SLC35D1: variants seen among roughly 807,000 people sequenced by gnomAD.
The protein encoded by SLC35D1 is nucleotide sugar transporter SLC35D1.
SLC35D1 carries 31 observed loss-of-function variants against 46.7 expected under a neutral mutation model. That is an observed-to-expected ratio of 0.66 (90% confidence interval 0.50 to 0.90). The LOEUF is 0.90. Ranked by LOEUF, SLC35D1 falls within the 40% of genes least tolerant of loss-of-function variation. The pLI, the probability that SLC35D1 is intolerant of heterozygous loss-of-function variation, is 0.00. For missense variants in SLC35D1, 397 were observed against 426.2 expected (o/e 0.93, Z 0.60); for synonymous variants, 195 against 164.6 (o/e 1.18, Z -1.41).
intron 11 of SLC35D1, among the ~76,000 whole-genome samples, chr1:67,006,313 C>T (rs1032714261): frequency 1.3e-5 from 2 of 152,096 alleles, no homozygotes; most frequent in Non-Finnish European, 2.9e-5. Flanking sequence ...TGGCCTGGAC[C>T]CAAGAAGATG....
chr1:67,027,319 T>C (rs1463659678), intron 8 of SLC35D1, among the ~76,000 whole-genome samples: 1 of 152,218 alleles, frequency 6.6e-6, no homozygotes, highest in East Asian at 1.9e-4. Context: ...ATTTTATTAA[T>C]CTTTTTTAAA....
the SLC35D1 span, among the ~76,000 whole-genome samples, chr1:66,983,337 T>G: frequency 0.12 from 18,238 of 152,274 alleles, 1,261 homozygotes; most frequent in Non-Finnish European, 0.15. Flanking sequence ...AATCCCCATG[T>G]GCATTCATGA....
chr1:66,996,998 G>A (rs1413506873), downstream of SLC35D1, among the ~76,000 whole-genome samples: 2 of 152,120 alleles, frequency 1.3e-5, no homozygotes, highest in East Asian at 3.9e-4. Flanking sequence ...CACTCAAAAT[G>A]TATTCAAGAT....
the SLC35D1 span, among the ~76,000 whole-genome samples, chr1:66,979,440 G>A: frequency 6.6e-6 from 1 of 152,102 alleles, no homozygotes; most frequent in Admixed American, 6.5e-5. Context: ...CCTACAAACA[G>A]CCTTTGAAAG....
At chr1:66,990,038 C>T in the SLC35D1 span, among the ~76,000 whole-genome samples, 2 of 152,086 alleles carry the variant, frequency 1.3e-5, no homozygotes, top group African/African-American at 4.8e-5. Context: ...TAAGTGTATC[C>T]TTTTTTATTA....
Position 67,054,042 on chromosome 1 carries a change from C to CGGGGCCTAGCGGCTCG in SLC35D1, c.-45_-30dup. 1 of 1,602,672 alleles carries CGGGGCCTAGCGGCTCG rather than the reference C, an allele frequency of 6.2e-7. No homozygotes were observed. The highest frequency in any genetic ancestry group is 8.5e-7 in the Non-Finnish European group (1 of 1,174,128). On this transcript the variant is annotated 5_prime_UTR_variant, in exon 1 of 12. Transcript: ENST00000235345. ...TGCCGCAGCAGCGGTGGCCTGGCGGCGGGGCCTAGCGGCTCGGGGGCCTGC... is the reference window on the plus strand; with the variant it reads ...TGCCGCAGCAGCGGTGGCCTGGCGGCGGGGCCTAGCGGCTCGGGGGCCTAGCGGCTCGGGGGCCTGC...
chr1:67,053,764 C>A, intron 1 of SLC35D1, 47 bp downstream of exon 1: 1 of 1,437,998 alleles, frequency 7.0e-7, no homozygotes, highest in Non-Finnish European at 9.1e-7. Context: ...CCGCCGCCGC[C>A]GCCCGCTCCT....
downstream of SLC35D1, among the ~76,000 whole-genome samples, chr1:66,998,667 G>T (rs1162347902): frequency 3.3e-5 from 5 of 152,152 alleles, no homozygotes; most frequent in African/African-American, 9.7e-5. Context: ...AAGAAGGAAG[G>T]AAATTCTGAC....
the SLC35D1 span, among the ~76,000 whole-genome samples, chr1:66,982,311 T>C: frequency 1.3e-5 from 2 of 151,080 alleles, no homozygotes; most frequent in South Asian, 2.1e-4. Flanking sequence ...AGGTAACAAG[T>C]GCACTGTTTT....
At chr1:67,053,129 T>C (rs1214051944) in intron 1 of SLC35D1, 140 bp from the exon 2 acceptor site, 1 of 1,043,044 alleles carries the variant, frequency 9.6e-7, no homozygotes, top group African/African-American at 1.6e-5. Context: ...AACAAAAATC[T>C]TGGGAGAAAA....
rs1645343636 is a variant in SLC35D1 at position 67,053,950 on chromosome 1, T to C, written c.64A>G (p.Thr22Ala). 2 of 1,613,546 alleles carry C rather than the reference T, an allele frequency of 1.2e-6. No homozygotes were observed. Among genetic ancestry groups the C allele is most frequent in the Non-Finnish European group, 8.5e-7 (1 of 1,179,692 alleles). The part of the protein sequence containing the change: ...VKGEAPAKSS[T>A]LRDEEELGMA... ...CCCAGCTCCTCCTCATCTCGGAGTG[T>C]GGAGGATTTCGCGGGGGCTTCTCCT... is the stretch of plus-strand genomic sequence containing the variant. Residue 22 changes from threonine (T) to alanine (A), a missense_variant, in exon 1 of 12, where the codon ACA becomes GCA. Thr to Ala is a moderately conservative substitution (Grantham distance 58, BLOSUM62 0). Coordinates refer to ENST00000235345, the MANE Select transcript of SLC35D1 (RefSeq NM_015139.3).
At chr1:66,988,831 G>GT in the SLC35D1 span, among the ~76,000 whole-genome samples, 1 of 152,218 alleles carries the variant, frequency 6.6e-6, no homozygotes, top group Middle Eastern at 3.4e-3. Context: ...CTTGTACCAG[G>GT]TACTATGCTT....
chr1:67,035,373 T>C (rs1197727977), intron 8 of SLC35D1, among the ~76,000 whole-genome samples: 1 of 152,218 alleles, frequency 6.6e-6, no homozygotes, highest in Non-Finnish European at 1.5e-5. Flanking sequence ...ATCTCATTCC[T>C]TGTTACTGGT....
intron 6 of SLC35D1, among the ~76,000 whole-genome samples, chr1:67,049,280 C>T (rs1281388573): frequency 4.7e-5 from 7 of 147,788 alleles, no homozygotes; most frequent in Admixed American, 4.1e-4. Context: ...GGCGACAGAG[C>T]AAGACTCCGT....
intron 8 of SLC35D1, among the ~76,000 whole-genome samples, chr1:67,032,455 C>T (rs565845880): frequency 6.6e-5 from 10 of 151,870 alleles, no homozygotes; most frequent in Middle Eastern, 3.4e-3. Context: ...CCGAAGTAGG[C>T]GGATCACCTA....
chr1:66,981,206 T>G, the SLC35D1 span, among the ~76,000 whole-genome samples: 1 of 152,154 alleles, frequency 6.6e-6, no homozygotes, highest in African/African-American at 2.4e-5. Flanking sequence ...CAGGAATGAT[T>G]TAGAGAAGAA....
At chr1:67,048,929 G>A (rs1645279498) in intron 6 of SLC35D1, among the ~76,000 whole-genome samples, 1 of 152,202 alleles carries the variant, frequency 6.6e-6, no homozygotes, top group Admixed American at 6.5e-5. Context: ...GAAAAGGCAA[G>A]CAAATGTTTC....
chr1:66,998,813 G>C (rs1667274111), downstream of SLC35D1, among the ~76,000 whole-genome samples: 1 of 152,130 alleles, frequency 6.6e-6, no homozygotes, highest in Non-Finnish European at 1.5e-5. Context: ...CATAAAGAAT[G>C]GTGGTTATCG....
At chr1:67,038,147 A>C (rs1237751241) in intron 8 of SLC35D1, among the ~76,000 whole-genome samples, 1 of 152,216 alleles carries the variant, frequency 6.6e-6, no homozygotes, top group East Asian at 1.9e-4. Context: ...ACATATGGGA[A>C]CACCAAGGCC....
Sources: allele counts gnomAD v4.1 joint callset (sites outside exome capture counted in the v4.1 genomes callset), GRCh38; gene constraint gnomAD v4.1.1; transcripts MANE v1.5; gene names NCBI Gene and HGNC (gene_info 2026-07-23, HGNC 2026-07-21).